KLF12: variants seen among roughly 807,000 people sequenced by gnomAD.
The protein encoded by KLF12 is Krueppel-like factor 12.
KLF12 carries 9 observed loss-of-function variants against 37.8 expected under a neutral mutation model. The observed-to-expected ratio is 0.24, with a 90% CI of 0.14 to 0.42. KLF12 has a LOEUF of 0.42. KLF12 is among the 10% of genes least tolerant of loss of function. KLF12 has a pLI of 1.00. For synonymous variants in KLF12, 208 were observed against 202.1 expected (o/e 1.03, Z -0.25); for missense variants, 411 against 516.0 (o/e 0.80, Z 1.97).
At chr13:74,232,841 C>G in the KLF12 span, among the ~76,000 whole-genome samples, 2 of 152,164 alleles carry the variant, frequency 1.3e-5, no homozygotes, top group Non-Finnish European at 2.9e-5. Context: ...GATAGGTATA[C>G]AGTGATCTTT....
chr13:74,230,665 T>A, the KLF12 span, among the ~76,000 whole-genome samples: 1 of 152,194 alleles, frequency 6.6e-6, no homozygotes, highest in Non-Finnish European at 1.5e-5. Context: ...CCTCACGTAC[T>A]CGGGATGAAT....
At chr13:74,281,065 T>C in the KLF12 span, among the ~76,000 whole-genome samples, 1 of 152,194 alleles carries the variant, frequency 6.6e-6, no homozygotes, top group African/African-American at 2.4e-5. Flanking sequence ...TTGTATATAA[T>C]ATCTATACTT....
At chr13:74,030,747 G>C (rs754253073) in intron 1 of KLF12, among the ~76,000 whole-genome samples, 68 of 151,982 alleles carry the variant, frequency 4.5e-4, no homozygotes, top group Admixed American at 3.3e-3. Context: ...TTCATTTCAG[G>C]GTGACATTTA....
chr13:74,069,973 T>C (rs762943735), intron 1 of KLF12, among the ~76,000 whole-genome samples: 8 of 152,182 alleles, frequency 5.3e-5, no homozygotes, highest in Non-Finnish European at 7.3e-5. Flanking sequence ...ATGACAAATA[T>C]GAAGCTGGCC....
intron 1 of KLF12, among the ~76,000 whole-genome samples, chr13:74,034,445 A>G (rs1024522240): frequency 3.3e-5 from 5 of 152,154 alleles, no homozygotes; most frequent in African/African-American, 1.2e-4. Flanking sequence ...GCCTTACTTT[A>G]TTTAAGAGGT....
At chr13:74,198,742 A>T in the KLF12 span, among the ~76,000 whole-genome samples, 3 of 152,184 alleles carry the variant, frequency 2.0e-5, no homozygotes, top group Admixed American at 6.5e-5. Flanking sequence ...ATCCTAGACG[A>T]TGTCTTACAA....
chr13:73,971,320 C>A (rs1360449639), intron 2 of KLF12, among the ~76,000 whole-genome samples: 1 of 152,118 alleles, frequency 6.6e-6, no homozygotes, highest in Non-Finnish European at 1.5e-5. Context: ...ACATTAACTT[C>A]CTTCACAAAA....
At chr13:74,199,235 G>A in the KLF12 span, among the ~76,000 whole-genome samples, 5 of 152,128 alleles carry the variant, frequency 3.3e-5, no homozygotes, top group Admixed American at 6.6e-5. Flanking sequence ...TGACATATCC[G>A]AAACCATCTT....
At chr13:74,020,435 T>G (rs920156543) in intron 1 of KLF12, among the ~76,000 whole-genome samples, 36 of 152,146 alleles carry the variant, frequency 2.4e-4, no homozygotes, top group African/African-American at 8.2e-4. Flanking sequence ...ATAGGAAGCT[T>G]GACAAAAGGC....
chr13:73,805,217 T>C (rs901505527), intron 5 of KLF12, among the ~76,000 whole-genome samples: 1 of 152,178 alleles, frequency 6.6e-6, no homozygotes, highest in African/African-American at 2.4e-5. Context: ...CAATGTAATG[T>C]TGAGATTAAC....
At position 73,695,440 on chromosome 13, in the gene KLF12, G is replaced by A. The variant is rs375087399; in HGVS notation, c.*50C>T. 4 of 1,576,440 alleles carry A rather than the reference G, an allele frequency of 2.5e-6. No individual in the cohort carries two copies. The highest frequency in any genetic ancestry group is 3.5e-6 in the Non-Finnish European group (4 of 1,150,132). On this transcript the variant is annotated 3_prime_UTR_variant, in exon 8 of 8. Transcript: ENST00000377669. ...AGGGGATTCAGCCCTGCTGAATTGG[G>A]TGCCGCTAAGAGATCCAGCTCTTAC...
At chr13:73,756,522 A>G (rs1316423219) in intron 6 of KLF12, among the ~76,000 whole-genome samples, 3 of 152,184 alleles carry the variant, frequency 2.0e-5, no homozygotes, top group Non-Finnish European at 2.9e-5. Flanking sequence ...CTAATGATAG[A>G]GTGCTTTCAC....
At chr13:74,013,568 A>G (rs1892604260) in intron 1 of KLF12, among the ~76,000 whole-genome samples, 1 of 152,228 alleles carries the variant, frequency 6.6e-6, no homozygotes, top group Non-Finnish European at 1.5e-5. Flanking sequence ...CAGCCAGTTC[A>G]TGATATGTGT....
At chr13:73,978,129 C>G (rs1004505214) in intron 2 of KLF12, among the ~76,000 whole-genome samples, 1 of 151,950 alleles carries the variant, frequency 6.6e-6, no homozygotes, top group African/African-American at 2.4e-5. Flanking sequence ...AGCTGAACTT[C>G]ATTAAAATGA....
At chr13:73,927,910 T>C (rs534359020) in intron 3 of KLF12, among the ~76,000 whole-genome samples, 20 of 143,564 alleles carry the variant, frequency 1.4e-4, no homozygotes, top group Non-Finnish European at 2.8e-4. Flanking sequence ...CAGGCTGGAG[T>C]GCAGTGGCAT....
chr13:73,799,542 T>C (rs1354482555), intron 5 of KLF12, among the ~76,000 whole-genome samples: 1 of 152,152 alleles, frequency 6.6e-6, no homozygotes, highest in Non-Finnish European at 1.5e-5. Flanking sequence ...CTGGCTACTC[T>C]CTCATTATAA....
At chr13:74,207,870 C>A in the KLF12 span, among the ~76,000 whole-genome samples, 1 of 152,066 alleles carries the variant, frequency 6.6e-6, no homozygotes, top group Non-Finnish European at 1.5e-5. Flanking sequence ...CCTGAGCCTA[C>A]GGTGAAAAAT....
intron 3 of KLF12, among the ~76,000 whole-genome samples, chr13:73,907,801 A>C (rs1888374959): frequency 1.3e-5 from 2 of 152,094 alleles, no homozygotes; most frequent in African/African-American, 4.8e-5. Context: ...GCTTCCCCTC[A>C]CAGTGAAAGC....
chr13:74,123,968 TA>T (rs1877790782), intron 1 of KLF12, among the ~76,000 whole-genome samples: 2 of 152,322 alleles, frequency 1.3e-5, no homozygotes, highest in East Asian at 3.9e-4. Context: ...AAGATGAAAC[TA>T]AATCCACTCT....
Sources: gnomAD v4.1 joint callset for allele counts (sites outside exome capture counted in the v4.1 genomes callset) on GRCh38, gnomAD v4.1.1 for gene constraint, MANE v1.5 for transcripts, NCBI Gene and HGNC (gene_info 2026-07-23, HGNC 2026-07-21) for gene names.